Variants in CDH13 observed in about 807,000 individuals in gnomAD.
CDH13 encodes cadherin 13.
A neutral mutation model predicts 63.8 loss-of-function variants in CDH13; 24 were observed. That is an observed-to-expected ratio of 0.38 (90% CI 0.27 to 0.53). The LOEUF (loss-of-function observed/expected upper bound fraction) is 0.53, where lower values mean the gene tolerates loss of function less well. Among genes scored for constraint, CDH13 ranks in the 20% least tolerant of loss-of-function variants. CDH13 has a pLI of 0.85. For synonymous variants in CDH13, 503 were observed against 355.3 expected, an observed-to-expected ratio of 1.42 and a Z score of -4.67; for missense variants, 1,049 against 903.1, an observed-to-expected ratio of 1.16 and a Z score of -2.07.
chr16:83,601,118 T>C (rs1365645340), intron 7 of CDH13, among the ~76,000 whole-genome samples: 4 of 152,114 alleles, frequency 2.6e-5, no homozygotes, highest in Admixed American at 6.6e-5. Flanking sequence ...TTAGGACTCA[T>C]TCCAAAAGTT....
At chr16:83,329,901 C>A (rs1415523765) in intron 5 of CDH13, among the ~76,000 whole-genome samples, 1 of 152,132 alleles carries the variant, frequency 6.6e-6, no homozygotes, top group East Asian at 1.9e-4. Flanking sequence ...AATGAATATA[C>A]CACATTTTGA....
chr16:83,561,307 G>C (rs2075704252), intron 7 of CDH13, among the ~76,000 whole-genome samples: 1 of 151,718 alleles, frequency 6.6e-6, no homozygotes, highest in Non-Finnish European at 1.5e-5. Flanking sequence ...TTAGCCAGGT[G>C]TGGTGACGCA....
At chr16:82,734,636 G>A (rs2033576350) in intron 1 of CDH13, among the ~76,000 whole-genome samples, 2 of 152,216 alleles carry the variant, frequency 1.3e-5, no homozygotes, top group Non-Finnish European at 2.9e-5. Flanking sequence ...CCTATGGAAA[G>A]CAGGGGCAGG....
chr16:83,093,924 G>A (rs1273852138), intron 3 of CDH13, among the ~76,000 whole-genome samples: 1 of 152,190 alleles, frequency 6.6e-6, no homozygotes, highest in Admixed American at 6.5e-5. Flanking sequence ...GGAAATACCT[G>A]AAAAGGTTAA....
intron 7 of CDH13, among the ~76,000 whole-genome samples, chr16:83,559,536 A>T (rs1250790304): frequency 6.6e-6 from 1 of 151,208 alleles, no homozygotes; most frequent in African/African-American, 2.4e-5. Context: ...ATGTCATTGC[A>T]CTCCAGCTTG....
intron 1 of CDH13, chr16:82,824,330 T>A (rs925109891): frequency 6.6e-6 from 1 of 151,858 alleles, no homozygotes; most frequent in Non-Finnish European, 1.5e-5. Context: ...CATAAACAAC[T>A]ATCCTGCCTT....
chr16:83,431,985 C>A (rs1221584243), intron 6 of CDH13, among the ~76,000 whole-genome samples: 2 of 152,088 alleles, frequency 1.3e-5, no homozygotes, highest in African/African-American at 2.4e-5. Context: ...TTTAATGGAT[C>A]CTTCTGGCCA....
intron 7 of CDH13, among the ~76,000 whole-genome samples, chr16:83,529,190 C>T (rs965749594): frequency 2.0e-5 from 3 of 150,702 alleles, no homozygotes; most frequent in Non-Finnish European, 4.4e-5. Flanking sequence ...ACAAGCAGTA[C>T]ATAGTATTTA....
At chr16:82,721,203 T>G (rs974673642) in intron 1 of CDH13, among the ~76,000 whole-genome samples, 1 of 152,154 alleles carries the variant, frequency 6.6e-6, no homozygotes, top group African/African-American at 2.4e-5. Flanking sequence ...TCAAAAAGCA[T>G]AAGACATTGC....
At position 82,679,325 on chromosome 16, in the gene CDH13, G is replaced by A. The variant is rs539140280; in HGVS notation, c.45+52188G>A. Among the ~76,000 whole-genome samples, 3 of 152,304 alleles carry A rather than the reference G, an allele frequency of 2.0e-5. No homozygotes were observed. In the East Asian group the frequency reaches 5.8e-4, roughly 29 times the overall value. ...TGGGAAGCTGTCTGATCACATACCT[G>A]GGAACCTGGTTGTTATATCCATGGC... On this transcript the variant is annotated intron_variant, in intron 1 of 13. Coordinates refer to ENST00000567109, the MANE Select transcript of CDH13 (RefSeq NM_001257.5).
chr16:83,405,624 A>G (rs952794744), intron 6 of CDH13, among the ~76,000 whole-genome samples: 37 of 152,372 alleles, frequency 2.4e-4, no homozygotes, highest in African/African-American at 8.9e-4. Context: ...TGTTGTTTTA[A>G]GCCACCAAAT....
chr16:83,099,723 C>G (rs2034383576), intron 3 of CDH13, among the ~76,000 whole-genome samples: 1 of 151,704 alleles, frequency 6.6e-6, no homozygotes, highest in South Asian at 2.1e-4. Context: ...ATTACTTTAC[C>G]TACCTGTGTC....
chr16:82,671,988 C>A (rs62040576), intron 1 of CDH13, among the ~76,000 whole-genome samples: 41 of 152,010 alleles, frequency 2.7e-4, no homozygotes, highest in African/African-American at 9.9e-4. Context: ...GAGACTATCA[C>A]CTGCTTTGGA....
chr16:83,292,436 A>G (rs139553728), intron 5 of CDH13, among the ~76,000 whole-genome samples: 4 of 152,284 alleles, frequency 2.6e-5, no homozygotes, highest in African/African-American at 9.6e-5. Context: ...CTAGCTGCCA[A>G]GAACTCTCCA....
At chr16:83,255,629 C>T (rs569028048) in intron 5 of CDH13, among the ~76,000 whole-genome samples, 23 of 152,272 alleles carry the variant, frequency 1.5e-4, no homozygotes, top group African/African-American at 5.1e-4. Flanking sequence ...GAAAATCGTC[C>T]TCTTGGCATC....
chr16:82,946,474 C>T (rs1403801601), intron 2 of CDH13, among the ~76,000 whole-genome samples: 1 of 152,132 alleles, frequency 6.6e-6, no homozygotes, highest in Non-Finnish European at 1.5e-5. Context: ...AATCCCAGCA[C>T]TTTGTGAGGC....
intron 2 of CDH13, among the ~76,000 whole-genome samples, chr16:82,917,010 A>G (rs1452777072): frequency 6.6e-6 from 1 of 152,230 alleles, no homozygotes; most frequent in Non-Finnish European, 1.5e-5. Context: ...CTCACTGTAA[A>G]AGTGATCGTT....
intron 3 of CDH13, among the ~76,000 whole-genome samples, chr16:83,117,220 C>T (rs573596221): frequency 6.0e-4 from 91 of 152,344 alleles, no homozygotes; most frequent in Middle Eastern, 3.4e-3. Flanking sequence ...CCATGGCCTA[C>T]GTGCCTCTCC....
chr16:83,441,814 C>T (rs148455159), intron 6 of CDH13, among the ~76,000 whole-genome samples: 1 of 152,292 alleles, frequency 6.6e-6, no homozygotes, highest in East Asian at 1.9e-4. Flanking sequence ...CTATACTCTA[C>T]TCCAAAAGGA....
Sources: allele counts gnomAD v4.1 joint callset (sites outside exome capture counted in the v4.1 genomes callset), GRCh38; gene constraint gnomAD v4.1.1; transcripts MANE v1.5; gene names NCBI Gene and HGNC (gene_info 2026-07-23, HGNC 2026-07-21).